Variants in ADGRV1 observed in about 807,000 individuals in gnomAD.
ADGRV1 encodes the protein adhesion G protein-coupled receptor V1.
ADGRV1 carries 359 observed loss-of-function variants against 596.2 expected under a neutral mutation model. The observed-to-expected ratio is 0.60, with a 90% CI of 0.55 to 0.66. The LOEUF (loss-of-function observed/expected upper bound fraction) is 0.66. ADGRV1 is among the 30% of genes least tolerant of loss of function. The probability of loss-of-function intolerance (pLI) is 0.00; values close to 1 mark genes in which losing one functional copy is unlikely to be tolerated. For missense variants in ADGRV1, 7,274 were observed against 7,575.6 expected, an observed-to-expected ratio of 0.96 and a Z score of 1.48; for synonymous variants, 2,681 against 2,679.2, an observed-to-expected ratio of 1.00 and a Z score of -0.02.
intron 21 of ADGRV1, among the ~76,000 whole-genome samples, chr5:90,665,442 G>C (rs1455358947): frequency 1.3e-5 from 2 of 152,082 alleles, no homozygotes; most frequent in Non-Finnish European, 2.9e-5. Context: ...TTGTATTTCT[G>C]TGGGATCAGT....
At chr5:90,960,916 G>A (rs1455443664) in intron 83 of ADGRV1, among the ~76,000 whole-genome samples, 1 of 152,096 alleles carries the variant, frequency 6.6e-6, no homozygotes, top group Non-Finnish European at 1.5e-5. Context: ...TGGGACTTGG[G>A]TTTTCTCTCT....
Position 90,791,169 on chromosome 5 carries a change from T to A in ADGRV1, c.14340T>A (p.Ile4780=). 6.2e-7 allele frequency: 1 copy of A among 1,614,002 alleles called. No individual in the cohort carries two copies. The highest frequency in any genetic ancestry group is 8.5e-7 in the Non-Finnish European group (1 of 1,179,892). Residue 4780 remains isoleucine, a synonymous_variant, in exon 70 of 90, where the codon ATT becomes ATA. Coordinates refer to ENST00000405460, the MANE Select transcript of ADGRV1 (RefSeq NM_032119.4). ...CAATACTTATTGGGCAGAACCTTAT[T>A]AGATCCATCCAAATTAACATAACCC... ...RQSILIGQNL[I]RSIQINITRL...
chr5:91,025,443 T>C (rs1462098007), intron 85 of ADGRV1, among the ~76,000 whole-genome samples: 1 of 152,136 alleles, frequency 6.6e-6, no homozygotes, highest in African/African-American at 2.4e-5. Flanking sequence ...CATATGGGAT[T>C]TAGTATAAAA....
intron 85 of ADGRV1, among the ~76,000 whole-genome samples, chr5:90,986,184 A>G (rs1345700258): frequency 6.6e-6 from 1 of 150,416 alleles, no homozygotes; most frequent in Non-Finnish European, 1.5e-5. Flanking sequence ...AGCCCCTCTT[A>G]ATAGCTCCAC....
At chr5:91,064,504 C>T (rs1787715535) in intron 85 of ADGRV1, among the ~76,000 whole-genome samples, 1 of 152,260 alleles carries the variant, frequency 6.6e-6, no homozygotes, top group South Asian at 2.1e-4. Flanking sequence ...AGTAGTAATA[C>T]TTAATTAGTC....
rs1258630730 is a variant in ADGRV1, at chr5:90,647,746, A to T, written c.3271A>T (p.Ile1091Phe). The T allele has an allele frequency of 1.2e-6, 2 of 1,612,506 alleles. No homozygotes were observed. The highest frequency in any genetic ancestry group is 2.2e-5 in the South Asian group (2 of 90,958). The change falls in exon 17 of 90, where the codon ATC becomes TTC. Residue 1091 changes from isoleucine (I) to phenylalanine (F), a missense_variant. Transcript: ENST00000405460. ...GGAAACAGATGAGCCCTTTTATATA[A>T]TCCTCTTGAATTCAACAGGTAAGTA... The part of the protein sequence containing the change: ...IPETDEPFYI[I>F]LLNSTGDTVV...
At position 90,693,878 on chromosome 5, in the gene ADGRV1, T is replaced by C; in HGVS notation, c.7134-12T>C. On this transcript the variant is annotated splice_polypyrimidine_tract_variant and intron_variant, in intron 32 of 89. Transcript: ENST00000405460. The stretch of plus-strand genomic sequence containing the variant: ...GCTTAACCTGTCTTTTAATTGTCAC[T>C]CCACATTTTAGCGGAGGGCACTTTG... 6.6e-7 allele frequency: 1 copy of C among 1,524,172 alleles called. No homozygotes were observed. Among genetic ancestry groups the C allele is most frequent in the Non-Finnish European group, 8.8e-7 (1 of 1,135,288 alleles). 94.4% of individuals were successfully genotyped at this position (1,524,172 alleles called of 1,614,324 possible).
Position 90,810,621 on chromosome 5 carries a change from G to A in ADGRV1, c.15361G>A (p.Val5121Met), listed in dbSNP as rs1372651519. The change falls in exon 74 of 90, where the codon GTG (valine) becomes ATG (methionine). Residue 5121 changes from valine (V) to methionine (M), a missense_variant. Coordinates refer to ENST00000405460, the MANE Select transcript of ADGRV1 (RefSeq NM_032119.4). ...PRLNLDFSVA[V>M]ITILDNDDLA... Reference sequence around the variant, plus strand: ...CCTGAATCTAGATTTCAGTGTTGCAGTGATTACAATATTGGATAATGATGA... The same window carrying A: ...CCTGAATCTAGATTTCAGTGTTGCAATGATTACAATATTGGATAATGATGA... The A allele has an allele frequency of 5.0e-6, 8 of 1,613,864 alleles. No homozygotes were observed. In the African/African-American group the frequency reaches 9.3e-5, roughly 19 times the overall value.
At chr5:90,893,942 C>A (rs1008169305) in intron 83 of ADGRV1, among the ~76,000 whole-genome samples, 2 of 152,068 alleles carry the variant, frequency 1.3e-5, no homozygotes, top group African/African-American at 4.8e-5. Flanking sequence ...GCTTTAAAAA[C>A]TGGTATTGGG....
intron 89 of ADGRV1, among the ~76,000 whole-genome samples, chr5:91,155,469 G>C (rs1263701044): frequency 2.6e-5 from 4 of 152,138 alleles, no homozygotes; most frequent in African/African-American, 9.7e-5. Context: ...GAGTTCCCCA[G>C]CTGGGTTTCA....
chr5:90,704,590 A>C (rs1561560326), intron 36 of ADGRV1, 102 bp downstream of exon 36: 1 of 666,438 alleles, frequency 1.5e-6, no homozygotes, highest in Non-Finnish European at 2.6e-6. Context: ...ACCAATTTTT[A>C]AAATGTTACT....
At chr5:91,128,573 G>C (rs1005769528) in intron 87 of ADGRV1, among the ~76,000 whole-genome samples, 3 of 152,104 alleles carry the variant, frequency 2.0e-5, no homozygotes, top group African/African-American at 7.2e-5. Flanking sequence ...AAAAATGAAA[G>C]GCTTATTGTA....
chr5:91,076,995 T>A (rs1337801845), intron 86 of ADGRV1, among the ~76,000 whole-genome samples: 1 of 152,142 alleles, frequency 6.6e-6, no homozygotes, highest in East Asian at 1.9e-4. Flanking sequence ...TTTCTTCTAT[T>A]TACTCTACCA....
intron 19 of ADGRV1, 79 bp from the exon 20 acceptor site, chr5:90,653,130 A>G (rs1768882613): frequency 3.0e-6 from 4 of 1,329,700 alleles, no homozygotes; most frequent in Admixed American, 2.9e-5. Flanking sequence ...TTGTCTGCTA[A>G]ACAAATTCTT....
At chr5:91,139,020 C>G (rs1316624934) in intron 87 of ADGRV1, among the ~76,000 whole-genome samples, 1 of 152,210 alleles carries the variant, frequency 6.6e-6, no homozygotes, top group Non-Finnish European at 1.5e-5. Context: ...ATCCACCCCC[C>G]TTGGCCTCCC....
intron 83 of ADGRV1, among the ~76,000 whole-genome samples, chr5:90,964,596 C>T (rs72656680): frequency 6.6e-6 from 1 of 151,994 alleles, no homozygotes; most frequent in Non-Finnish European, 1.5e-5. Context: ...TTGCTCATTA[C>T]TCAGCAAGTA....
intron 85 of ADGRV1, among the ~76,000 whole-genome samples, chr5:90,988,126 A>T (rs1780648034): frequency 6.6e-6 from 1 of 152,188 alleles, no homozygotes; most frequent in Non-Finnish European, 1.5e-5. Context: ...TCTCTTCTTT[A>T]CAAGATTGGC....
At chr5:90,929,809 C>T (rs1198973742) in intron 83 of ADGRV1, 1 of 152,180 alleles carries the variant, frequency 6.6e-6, no homozygotes, top group Non-Finnish European at 1.5e-5. Context: ...ACTGCATTGA[C>T]TACCTTTAAG....
At chr5:90,967,609 T>C (rs1289296462) in intron 84 of ADGRV1, among the ~76,000 whole-genome samples, 1 of 152,172 alleles carries the variant, frequency 6.6e-6, no homozygotes, top group African/African-American at 2.4e-5. Context: ...TCAGAATTTT[T>C]GATTCATTAC....
Sources: allele counts gnomAD v4.1 joint callset (sites outside exome capture counted in the v4.1 genomes callset), GRCh38; gene constraint gnomAD v4.1.1; transcripts MANE v1.5; gene names NCBI Gene and HGNC (gene_info 2026-07-23, HGNC 2026-07-21).